The following HSP90B1 variants were observed in gnomAD, a reference collection of about 807,000 sequenced individuals.
The protein encoded by HSP90B1 is endoplasmin.
Under a neutral mutation model 100.4 loss-of-function variants are expected in HSP90B1, and 27 were observed. The ratio of observed to expected loss-of-function variants is 0.27; its 90% CI spans 0.20 to 0.37. The LOEUF (loss-of-function observed/expected upper bound fraction) is 0.37, where lower values mean the gene tolerates loss of function less well. HSP90B1 is among the 10% of genes least tolerant of loss of function. The probability of loss-of-function intolerance (pLI) is 1.00; values close to 1 mark genes in which losing one functional copy is unlikely to be tolerated. For synonymous variants in HSP90B1, 304 were observed against 330.8 expected, an observed-to-expected ratio of 0.92 and a Z score of 0.88; for missense variants, 678 against 960.5, an observed-to-expected ratio of 0.71 and a Z score of 3.89.
At position 103,942,766 on chromosome 12, in the gene HSP90B1, C is replaced by A; in HGVS notation, c.1614C>A (p.Ile538=). 5 of 1,613,870 alleles carry A rather than the reference C, an allele frequency of 3.1e-6. No individual in the cohort carries two copies. Among genetic ancestry groups the A allele is most frequent in the Non-Finnish European group, 4.2e-6 (5 of 1,179,816 alleles). Residue 538 remains isoleucine (I), a synonymous_variant, in exon 12 of 18, where the codon ATC becomes ATA. Transcript: ENST00000299767. ...VERMKEKQDK[I]YFMAGSSRKE... ...GAATGAAGGAAAAACAAGACAAAAT[C>A]TACTTCATGGCTGGGTCCAGCAGAA...
chr12:103,931,518 C>A lies in HSP90B1; in HGVS notation c.50-3C>A. Reference sequence around the variant, plus strand: ...GAAGAGTTTGCCCGTGTTAAATCTTCAGGGTCGGTCAGAGCTGACGATGAA... The same window carrying A: ...GAAGAGTTTGCCCGTGTTAAATCTTAAGGGTCGGTCAGAGCTGACGATGAA... On this transcript the variant is annotated splice_polypyrimidine_tract_variant and splice_region_variant and intron_variant, in intron 1 of 17. Coordinates refer to ENST00000299767, the MANE Select transcript of HSP90B1 (RefSeq NM_003299.3). 6.2e-7 allele frequency: 1 copy of A among 1,610,444 alleles called. No homozygotes were observed. Among genetic ancestry groups the A allele is most frequent in the Non-Finnish European group, 8.5e-7 (1 of 1,176,944 alleles).
chr12:103,941,739 T>G (rs1394879576), intron 10 of HSP90B1, 33 bp downstream of exon 10: 15 of 1,605,602 alleles, frequency 9.3e-6, no homozygotes, highest in Non-Finnish European at 1.3e-5. Flanking sequence ...AAGGGGTGAT[T>G]GTTGTGGGGG....
intron 14 of HSP90B1, among the ~76,000 whole-genome samples, chr12:103,945,523 T>G (rs989284520): frequency 6.6e-6 from 1 of 152,178 alleles, no homozygotes; most frequent in African/African-American, 2.4e-5. Flanking sequence ...TAATTTTTCT[T>G]GGAATCATTG....
At position 103,938,524 on chromosome 12, in the gene HSP90B1, C is replaced by T. The variant is rs202163694; in HGVS notation, c.975+65C>T. ...CATGTATAGGCAAAACCAGGAAAAC[C>T]TAAGTATGCACTGGCTGATTTGAAG... On this transcript the variant is annotated intron_variant, in intron 7 of 17. Coordinates refer to ENST00000299767, the MANE Select transcript of HSP90B1 (RefSeq NM_003299.3). 4,797 of 1,546,268 alleles carry T rather than the reference C, an allele frequency of 3.1e-3. 13 individuals are homozygous for T. The highest frequency in any genetic ancestry group is 3.7e-3 in the Non-Finnish European group (4,232 of 1,145,968).
At chr12:103,941,315 G>T in intron 8 of HSP90B1, 95 bp from the exon 9 acceptor site, 9 of 1,274,272 alleles carry the variant, frequency 7.1e-6, no homozygotes, top group South Asian at 3.3e-5. Flanking sequence ...TTAGTTAATT[G>T]CTAAACTGAA....
intron 14 of HSP90B1, 82 bp from the exon 15 acceptor site, chr12:103,946,536 T>G: frequency 1.0e-6 from 1 of 981,266 alleles, no homozygotes. Context: ...AGTTGTTCTG[T>G]GTAATTATGA....
chr12:103,930,636 T>TGAACGTGGGAGGGGGGTTA lies in HSP90B1; in HGVS notation c.49+88_49+89insTTAGAACGTGGGAGGGGGG. The TGAACGTGGGAGGGGGGTTA allele has an allele frequency of 6.8e-7, 1 of 1,476,676 alleles. No homozygotes were observed. 91.5% of individuals were successfully genotyped at this position (1,476,676 alleles called of 1,614,324 possible). A position where few individuals can be genotyped will look rare whatever the true frequency, so the allele number is the denominator to read the frequency against. On this transcript the variant is annotated intron_variant, in intron 1 of 17. Coordinates refer to ENST00000299767, the MANE Select transcript of HSP90B1 (RefSeq NM_003299.3). This position sits in a 1 kb window ranked among gnomAD's most constrained non-coding sequence, Gnocchi z 4.4. ...CGCTTCTCGAAGGTCCTGGGGGCGTTGAACGTGGGAGGGGGGATCCCGGGG... is the reference window on the plus strand; with the variant it reads ...CGCTTCTCGAAGGTCCTGGGGGCGTTGAACGTGGGAGGGGGGTTAGAACGTGGGAGGGGGGATCCCGGGG...
intron 10 of HSP90B1, 35 bp from the exon 11 acceptor site, chr12:103,941,797 T>C: frequency 6.2e-7 from 1 of 1,607,870 alleles, no homozygotes; most frequent in African/African-American, 1.3e-5. Flanking sequence ...TCCAGTGGTT[T>C]TATTGCTCAC....
In HSP90B1 at chr12:103,934,196, G is replaced by A. The variant is rs781687324; in HGVS notation, c.652G>A (p.Asp218Asn). 1.9e-6 allele frequency: 3 copies of A among 1,614,158 alleles called. No individual in the cohort carries two copies. The highest frequency in any genetic ancestry group is 1.7e-5 in the Admixed American group (1 of 60,024). ...KVIVTSKHNN[D>N]TQHIWESDSN... is the part of the protein sequence containing the mutation. Reference sequence around the variant, plus strand: ...TATTGTCACTTCAAAACACAACAACGATACCCAGCACATCTGGGAGTCTGA... The same window carrying A: ...TATTGTCACTTCAAAACACAACAACAATACCCAGCACATCTGGGAGTCTGA... The change falls in exon 5 of 18, where the codon GAT (aspartate) becomes AAT (asparagine). Residue 218 changes from aspartate (D) to asparagine (N), a missense_variant. Coordinates refer to ENST00000299767, the MANE Select transcript of HSP90B1 (RefSeq NM_003299.3).
intron 3 of HSP90B1, among the ~76,000 whole-genome samples, 196 bp from the exon 4 acceptor site, chr12:103,932,630 G>A (rs932999525): frequency 5.3e-5 from 8 of 152,276 alleles, no homozygotes; most frequent in East Asian, 1.9e-4. Flanking sequence ...ATAGGTTCAC[G>A]GCCTGATAAT....
At chr12:103,936,088 C>T (rs1326770866) in intron 5 of HSP90B1, among the ~76,000 whole-genome samples, 3 of 152,214 alleles carry the variant, frequency 2.0e-5, no homozygotes, top group Admixed American at 6.5e-5. Context: ...CAGCCCTTTT[C>T]TCATTGTCCA....
Position 103,930,552 on chromosome 12 carries a change from C to T in HSP90B1, c.37C>T (p.Leu13=). The T allele has an allele frequency of 1.2e-6, 2 of 1,610,498 alleles. No homozygotes were observed. Among genetic ancestry groups the T allele is most frequent in the African/African-American group, 2.7e-5 (2 of 74,854 alleles). ...GTGGGTGCTGGGCCTCTGCTGCGTC[C>T]TGCTGACCTTCGGTGAGTGATTCTG... is the stretch of plus-strand genomic sequence containing the variant. ...ALWVLGLCCV[L]LTFGSVRADD... is the part of the protein sequence containing the mutation. The change falls in exon 1 of 18, where the codon CTG becomes TTG. Residue 13 remains leucine (L), a synonymous_variant. Transcript: ENST00000299767. The surrounding 1 kb of genome is among the most constrained non-coding windows in gnomAD (Gnocchi z 4.4).
In HSP90B1 at chr12:103,942,637, T is replaced by C. The variant is rs1458309141; in HGVS notation, c.1485T>C (p.Gly495=). 3 of 1,613,926 alleles carry C rather than the reference T, an allele frequency of 1.9e-6. No individual in the cohort carries two copies. Among genetic ancestry groups the C allele is most frequent in the Non-Finnish European group, 2.5e-6 (3 of 1,179,928 alleles). Residue 495 remains glycine, a synonymous_variant, in exon 12 of 18, where the codon GGT becomes GGC. Transcript: ENST00000299767. ...WKEFGTNIKL[G]VIEDHSNRTR... ...AATTTGGTACCAACATCAAGCTTGGTGTGATTGAAGACCACTCGAATCGAA... is the reference window on the plus strand; with the variant it reads ...AATTTGGTACCAACATCAAGCTTGGCGTGATTGAAGACCACTCGAATCGAA...
rs1000189589 is a variant in HSP90B1, at chr12:103,931,779, TGTCCCTAGGA to T, written c.152+159_152+168del. 4.6e-5 allele frequency: 31 copies of T among 679,150 alleles called. 1 individual carries two copies. The highest frequency in any genetic ancestry group is 4.2e-4 in the South Asian group (28 of 66,540). The allele number at this position is 679,150 out of a possible 1,614,324, so 42.1% of individuals were successfully genotyped here. A position where few individuals can be genotyped will look rare whatever the true frequency, so the allele number is the denominator to read the frequency against. On this transcript the variant is annotated intron_variant, in intron 2 of 17. Coordinates refer to ENST00000299767, the MANE Select transcript of HSP90B1 (RefSeq NM_003299.3). ...TTGTGTGCATACATACCTCCTAACTTGTCCCTAGGAGTGATGAAAACTGAGTGAATTCCTT... is the reference window on the plus strand; with the variant it reads ...TTGTGTGCATACATACCTCCTAACTTGTGATGAAAACTGAGTGAATTCCTT...
In HSP90B1 at chr12:103,930,679, G is replaced by A. The variant is rs1446887812; in HGVS notation, c.49+115G>A. The A allele has an allele frequency of 2.2e-6, 2 of 889,638 alleles. No homozygotes were observed. Among genetic ancestry groups the A allele is most frequent in the South Asian group, 1.6e-5 (1 of 61,560 alleles). The allele number at this position is 889,638 out of a possible 1,614,324, so 55.1% of individuals were successfully genotyped here. On this transcript the variant is annotated intron_variant, in intron 1 of 17. Coordinates refer to ENST00000299767, the MANE Select transcript of HSP90B1 (RefSeq NM_003299.3). The surrounding 1 kb of genome is among the most constrained non-coding windows in gnomAD (Gnocchi z 4.4). ...TCCCGGGGCCTGCGGTGGGCCAAGG[G>A]ACGTCACCATTCCTCGAAAGAGGGC...
At chr12:103,945,243 G>A (rs889500509) in intron 14 of HSP90B1, among the ~76,000 whole-genome samples, 1 of 152,144 alleles carries the variant, frequency 6.6e-6, no homozygotes, top group African/African-American at 2.4e-5. Context: ...GTTCGAGGCT[G>A]TAGTGTGCTG....
chr12:103,947,174 C>G, intron 16 of HSP90B1, 137 bp from the exon 17 acceptor site: 1 of 1,253,366 alleles, frequency 8.0e-7, no homozygotes, highest in Non-Finnish European at 1.1e-6. Flanking sequence ...GTTAGCTTGG[C>G]TGTTCATTCT....
Position 103,930,485 on chromosome 12 carries a change from A to G in HSP90B1, c.-31A>G. ...GGGGTGGAGGCGGCTCCTGCGATCG[A>G]AGGGGACTTGAGACTCACCGGCCGC... On this transcript the variant is annotated 5_prime_UTR_variant, in exon 1 of 18. Transcript: ENST00000299767. This position sits in a 1 kb window ranked among gnomAD's most constrained non-coding sequence, Gnocchi z 4.4. 1 of 1,588,442 alleles carries G rather than the reference A, an allele frequency of 6.3e-7. No individual in the cohort carries two copies. The highest frequency in any genetic ancestry group is 8.6e-7 in the Non-Finnish European group (1 of 1,167,174).
Position 103,943,422 on chromosome 12 carries a change from G to C in HSP90B1, c.1890+103G>C. ...GCAGCTGGTTACTTTGTAACCATTA[G>C]AATGGTAAAAATTTAATTAATGTAA... is the stretch of plus-strand genomic sequence containing the variant. On this transcript the variant is annotated intron_variant, in intron 13 of 17. Transcript: ENST00000299767. This position sits in a 1 kb window ranked among gnomAD's most constrained non-coding sequence, Gnocchi z 5.3. The C allele has an allele frequency of 9.0e-7, 1 of 1,108,844 alleles. No individual in the cohort carries two copies. Among genetic ancestry groups the C allele is most frequent in the East Asian group, 2.5e-5 (1 of 40,738 alleles). The allele number at this position is 1,108,844 out of a possible 1,614,324, so 68.7% of individuals were successfully genotyped here.
Sources: allele counts gnomAD v4.1 joint callset (sites outside exome capture counted in the v4.1 genomes callset), GRCh38; gene constraint gnomAD v4.1.1; non-coding constraint Gnocchi (gnomAD v3.1); transcripts MANE v1.5; gene names NCBI Gene and HGNC (gene_info 2026-07-23, HGNC 2026-07-21).